SCN11A: variants seen among roughly 807,000 people sequenced by gnomAD.
SCN11A encodes sodium voltage-gated channel alpha subunit 11, also known as sodium channel protein type 11 subunit alpha.
SCN11A carries 122 observed loss-of-function variants against 162.2 expected under a neutral mutation model. The ratio of observed to expected loss-of-function variants is 0.75; its 90% CI spans 0.65 to 0.87. SCN11A has a LOEUF of 0.87. Among genes scored for constraint, SCN11A ranks in the 40% least tolerant of loss-of-function variants. The pLI is 0.00. For synonymous variants in SCN11A, 758 were observed against 751.5 expected (o/e 1.01, Z -0.14); for missense variants, 2,015 against 2,181.6 (o/e 0.92, Z 1.52).
chr3:38,941,458 G>GA (rs1307376620), intron 7 of SCN11A, among the ~76,000 whole-genome samples: 2 of 151,706 alleles, frequency 1.3e-5, no homozygotes, highest in Non-Finnish European at 1.5e-5. Flanking sequence ...GGATCTACAG[G>GA]AAAAAAAATG....
intron 2 of SCN11A, among the ~76,000 whole-genome samples, chr3:38,996,487 T>A (rs78737131): frequency 0.012 from 1,807 of 152,252 alleles, 35 homozygotes; most frequent in African/African-American, 0.041. Context: ...CAGGAAGCAT[T>A]TTTCTAAAGA....
intron 11 of SCN11A, among the ~76,000 whole-genome samples, chr3:38,913,656 T>C (rs958847637): frequency 6.6e-6 from 1 of 152,234 alleles, no homozygotes; most frequent in Non-Finnish European, 1.5e-5. Context: ...TTAATCCATC[T>C]TGAGTTGATT....
chr3:38,890,634 G>A (rs192418748), intron 19 of SCN11A, among the ~76,000 whole-genome samples: 215 of 152,378 alleles, frequency 1.4e-3, no homozygotes, highest in Non-Finnish European at 2.2e-3. Context: ...CCATGGCATT[G>A]TCAAGGAAAA....
At chr3:39,027,467 T>C (rs1028844497) in intron 2 of SCN11A, among the ~76,000 whole-genome samples, 6 of 152,188 alleles carry the variant, frequency 3.9e-5, no homozygotes, top group African/African-American at 1.4e-4. Flanking sequence ...AACATATGAC[T>C]TTCTTTTGTA....
intron 2 of SCN11A, among the ~76,000 whole-genome samples, chr3:39,001,585 A>G (rs2030811274): frequency 6.6e-6 from 1 of 152,082 alleles, no homozygotes; most frequent in Non-Finnish European, 1.5e-5. Context: ...AGAGTTTTAT[A>G]GTTTTACTTC....
Position 39,039,615 on chromosome 3 carries a change from C to T in SCN11A, c.-403-7112G>A, listed in dbSNP as rs533478885. ...ACTAAAGCCCACATAGCACTCTGTG[C>T]TCCAGGAAGCAGGTAGTCCAGCACA... On this transcript the variant is annotated intron_variant, in intron 1 of 29. Transcript: ENST00000302328. Among the ~76,000 whole-genome samples the T allele has an allele frequency of 5.3e-5, 8 of 152,334 alleles. No homozygotes were observed. The South Asian group carries it at 1.7e-3, about 32-fold the overall frequency.
rs145292640 is a variant in SCN11A, at chr3:38,929,128, T to TGCGCGCGCGC, written c.489-2198_489-2197insGCGCGCGCGC. On this transcript the variant is annotated intron_variant, in intron 7 of 29. Coordinates refer to ENST00000302328, the MANE Select transcript of SCN11A (RefSeq NM_001349253.2). ...CCCACACTGTCAAAAATACTGGGTC[T>TGCGCGCGCGC]GTGCACGCACACACACACACACACA... Among the ~76,000 whole-genome samples the TGCGCGCGCGC allele has an allele frequency of 1.7e-3, 141 of 84,158 alleles. 1 individual carries two copies. In the South Asian group the frequency reaches 0.022, roughly 13 times the overall value. 55.2% of individuals were successfully genotyped at this position (84,158 alleles called of 152,430 possible).
At chr3:38,963,812 A>G (rs932561499) in intron 2 of SCN11A, among the ~76,000 whole-genome samples, 1 of 152,118 alleles carries the variant, frequency 6.6e-6, no homozygotes, top group East Asian at 1.9e-4. Context: ...AAATCTCACA[A>G]ATCACCACTT....
chr3:38,896,919 T>C lies in SCN11A; in HGVS notation c.2329A>G (p.Met777Val), dbSNP rs1434713581. 5 of 1,613,784 alleles carry C rather than the reference T, an allele frequency of 3.1e-6. No individual in the cohort carries two copies. Among genetic ancestry groups the C allele is most frequent in the Admixed American group, 1.7e-5 (1 of 59,966 alleles). The change falls in exon 18 of 30, where the codon ATG becomes GTG. Residue 777 changes from methionine (M) to valine (V), a missense_variant. Coordinates refer to ENST00000302328, the MANE Select transcript of SCN11A (RefSeq NM_001349253.2). ...GEWIENMWEC[M>V]QEANASSSLC... ...GATGATGATGCATTCGCTTCTTGCA[T>C]ACATTCCCACATATTTTCGATCCAT...
In SCN11A at chr3:38,909,191, G is replaced by A. The variant is rs34696622; in HGVS notation, c.1105C>T (p.Leu369=). 4.4e-5 allele frequency: 71 copies of A among 1,613,998 alleles called. No homozygotes were observed. In the African/African-American group the frequency reaches 6.9e-4, roughly 16 times the overall value. ...DSWEKLYQQT[L]RTTGLYSVFF... ...ACTGAGTAGAGCCCAGTAGTACGCA[G>A]GGTCTGCAAAGGACAGAGCATGTTC... The change falls in exon 13 of 30, where the codon CTG becomes TTG. Residue 369 remains leucine (L), a synonymous_variant. Coordinates refer to ENST00000302328, the MANE Select transcript of SCN11A (RefSeq NM_001349253.2).
intron 16 of SCN11A, among the ~76,000 whole-genome samples, chr3:38,900,483 G>C (rs941345699): frequency 5.9e-5 from 9 of 152,084 alleles, no homozygotes; most frequent in Admixed American, 1.3e-4. Context: ...CAATAGCCCT[G>C]AAAACTAAGG....
At chr3:38,880,166 C>T (rs771904739) in intron 22 of SCN11A, 43 bp from the exon 23 acceptor site, 1 of 1,412,056 alleles carries the variant, frequency 7.1e-7, no homozygotes, top group South Asian at 1.3e-5. Context: ...TGAATATTTG[C>T]AAAGAACTCC....
chr3:38,845,786 C>T lies in SCN11A; in HGVS notation c.*908G>A, dbSNP rs545374017. 7.9e-6 allele frequency: 1 copy of T among 126,418 alleles called. No homozygotes were observed. The highest frequency in any genetic ancestry group is 3.4e-5 in the African/African-American group (1 of 29,584). The allele number at this position is 126,418 out of a possible 1,614,324, so 7.8% of individuals were successfully genotyped here. On this transcript the variant is annotated 3_prime_UTR_variant, in exon 30 of 30. Transcript: ENST00000302328. ...ACCTGAAAGGAACACAAACAGAAAGCTTTATTGAATTTATATATATATATA... is the reference window on the plus strand; with the variant it reads ...ACCTGAAAGGAACACAAACAGAAAGTTTTATTGAATTTATATATATATATA...
rs2066413547 is a variant in SCN11A at position 38,939,861 on chromosome 3, C to A, written c.488+5550G>T. Among the ~76,000 whole-genome samples the A allele has an allele frequency of 4.0e-5, 6 of 151,462 alleles. 1 individual carries two copies. In the South Asian group the frequency reaches 1.3e-3, roughly 32 times the overall value. On this transcript the variant is annotated intron_variant, in intron 7 of 29. Transcript: ENST00000302328. ...GAGGTTGTGGTGAGCCAAAATCGCG[C>A]CATTGCACTCCAGCCTGAGCGACAA... is the stretch of plus-strand genomic sequence containing the variant.
chr3:39,006,718 C>A (rs1241207259), intron 2 of SCN11A, among the ~76,000 whole-genome samples: 1 of 152,112 alleles, frequency 6.6e-6, no homozygotes, highest in African/African-American at 2.4e-5. Context: ...GGGAGGATTG[C>A]TTGAGCCCAG....
intron 2 of SCN11A, among the ~76,000 whole-genome samples, chr3:38,969,408 T>C (rs552774659): frequency 1.3e-5 from 2 of 152,198 alleles, no homozygotes; most frequent in Non-Finnish European, 2.9e-5. Context: ...TGAACAGGTC[T>C]AAGCTTTGAA....
chr3:38,984,029 T>C (rs1384055178), intron 2 of SCN11A, among the ~76,000 whole-genome samples: 1 of 152,200 alleles, frequency 6.6e-6, no homozygotes, highest in Admixed American at 6.6e-5. Context: ...ATCTTTTTAG[T>C]CCCATTGCTT....
chr3:39,026,186 A>G (rs2125609072), intron 2 of SCN11A: 1 of 152,344 alleles, frequency 6.6e-6, no homozygotes, highest in Admixed American at 6.5e-5. Flanking sequence ...CTGATCTGTC[A>G]TTAGATTGTC....
At chr3:38,937,494 A>G (rs2066355012) in intron 7 of SCN11A, among the ~76,000 whole-genome samples, 1 of 151,576 alleles carries the variant, frequency 6.6e-6, no homozygotes, top group Non-Finnish European at 1.5e-5. Flanking sequence ...GCTAATATCC[A>G]GAATCTACAA....
Sources: allele counts gnomAD v4.1 joint callset (sites outside exome capture counted in the v4.1 genomes callset), GRCh38; gene constraint gnomAD v4.1.1; transcripts MANE v1.5; gene names NCBI Gene and HGNC (gene_info 2026-07-23, HGNC 2026-07-21).